GLI2: variants seen among roughly 807,000 people sequenced by gnomAD.
GLI2 encodes transcription activator GLI2.
Under a neutral mutation model 78.9 loss-of-function variants are expected in GLI2, and 22 were observed. The ratio of observed to expected loss-of-function variants is 0.28; its 90% confidence interval spans 0.20 to 0.40. The LOEUF is 0.40. GLI2 is among the 10% of genes least tolerant of loss of function. GLI2 has a pLI of 1.00. For synonymous variants in GLI2, 974 were observed against 963.7 expected (o/e 1.01, Z -0.20); for missense variants, 2,097 against 2,213.2 (o/e 0.95, Z 1.05).
intron 1 of GLI2, among the ~76,000 whole-genome samples, chr2:120,769,784 G>T (rs529497042): frequency 6.6e-6 from 1 of 152,274 alleles, no homozygotes; most frequent in South Asian, 2.1e-4. Context: ...CATGTGTTTG[G>T]GAGTGTGCGT....
At chr2:120,870,710 A>G (rs1279854012) in intron 2 of GLI2, among the ~76,000 whole-genome samples, 1 of 152,168 alleles carries the variant, frequency 6.6e-6, no homozygotes, top group East Asian at 1.9e-4. Flanking sequence ...GATCGATCCC[A>G]GAGCCTAGGG....
intron 4 of GLI2, among the ~76,000 whole-genome samples, chr2:120,954,726 C>G (rs1681157224): frequency 6.6e-6 from 1 of 152,206 alleles, no homozygotes. Context: ...AGGGTTGAAG[C>G]AGACAGCCCC....
intron 2 of GLI2, among the ~76,000 whole-genome samples, chr2:120,909,388 C>A (rs1678702001): frequency 6.6e-6 from 1 of 152,162 alleles, no homozygotes; most frequent in Non-Finnish European, 1.5e-5. Context: ...CCCATGCCAG[C>A]TTCCTCCCAC....
At chr2:120,828,861 C>CAAAAAAA (rs3053863) in intron 2 of GLI2, among the ~76,000 whole-genome samples, 8 of 125,946 alleles carry the variant, frequency 6.4e-5, no homozygotes, top group East Asian at 2.3e-4. Context: ...CTTCCAACTC[C>CAAAAAAA]AAAAAAAAAA....
At chr2:120,866,909 C>G (rs1299891594) in intron 2 of GLI2, 1 of 152,280 alleles carries the variant, frequency 6.6e-6, no homozygotes, top group Non-Finnish European at 1.5e-5. Flanking sequence ...CCCATGACCC[C>G]TGTGTGTGAG....
chr2:120,990,355 G>A lies in GLI2; in HGVS notation c.4390G>A (p.Asp1464Asn), dbSNP rs1249684727. The part of the protein sequence containing the change: ...SQPPQPQACQ[D>N]SIQPQPLPSP... Reference sequence around the variant, plus strand: ...GCCACCACAGCCACAGGCCTGTCAGGACAGCATCCAGCCCCAGCCCTTGCC... The same window carrying A: ...GCCACCACAGCCACAGGCCTGTCAGAACAGCATCCAGCCCCAGCCCTTGCC... Residue 1464 changes from aspartate to asparagine, a missense_variant, in exon 14 of 14, where the codon GAC becomes AAC. Physicochemically the swap from Asp to Asn is conservative, Grantham distance 23. Around this residue, in one of 5 missense-constraint regions of GLI2, gnomAD observed 1,290 missense variants for 1,261.7 expected, o/e 1.02. Coordinates refer to ENST00000361492, the MANE Select transcript of GLI2 (RefSeq NM_001374353.1). The A allele has an allele frequency of 1.2e-6, 2 of 1,614,012 alleles. No homozygotes were observed. The highest frequency in any genetic ancestry group is 1.7e-6 in the Non-Finnish European group (2 of 1,180,032).
At chr2:120,828,237 C>T (rs570025548) in intron 2 of GLI2, among the ~76,000 whole-genome samples, 1 of 152,178 alleles carries the variant, frequency 6.6e-6, no homozygotes, top group South Asian at 2.1e-4. Flanking sequence ...CCAAGGCCCC[C>T]GGGCCAGGTG....
intron 2 of GLI2, among the ~76,000 whole-genome samples, chr2:120,903,139 C>A (rs1004622906): frequency 6.6e-6 from 1 of 152,018 alleles, no homozygotes; most frequent in African/African-American, 2.4e-5. Context: ...AATCCCAACA[C>A]TTTGGGAGGC....
intron 1 of GLI2, among the ~76,000 whole-genome samples, chr2:120,777,885 C>A (rs1188220247): frequency 1.3e-5 from 2 of 151,888 alleles, no homozygotes; most frequent in Non-Finnish European, 2.9e-5. Flanking sequence ...CCATTGCACC[C>A]CAGGCTGGGG....
chr2:120,941,776 A>G (rs1411561078), intron 3 of GLI2, among the ~76,000 whole-genome samples: 1 of 152,228 alleles, frequency 6.6e-6, no homozygotes, highest in Non-Finnish European at 1.5e-5. Context: ...GGTGGTAGGC[A>G]TCTTGGCCCA....
At position 120,841,172 on chromosome 2, in the gene GLI2, T is replaced by C. The variant is rs75740688; in HGVS notation, c.148+43704T>C. Among the ~76,000 whole-genome samples the C allele has an allele frequency of 2.5e-3, 381 of 152,328 alleles. 10 individuals carry two copies. The East Asian group carries it at 0.062, about 25-fold the overall frequency. On this transcript the variant is annotated intron_variant, in intron 2 of 13. Coordinates refer to ENST00000361492, the MANE Select transcript of GLI2 (RefSeq NM_001374353.1). ...AGAAACACACATTTTGAGAAAGAAC[T>C]GTGTAATTATTATCCACTCCCTGCA... is the stretch of plus-strand genomic sequence containing the variant.
rs963829080 is a variant in GLI2, at chr2:120,810,301, G to A, written c.148+12833G>A. ...GTTCCCAGTCCAGGTGTGCTGGGCC[G>A]TCTTCTGTGTTGAGAGCAACATCTG... On this transcript the variant is annotated intron_variant, in intron 2 of 13. Transcript: ENST00000361492. Among the ~76,000 whole-genome samples the A allele has an allele frequency of 1.4e-4, 21 of 152,328 alleles. No individual in the cohort carries two copies. In the East Asian group the frequency reaches 1.7e-3, roughly 13 times the overall value.
At chr2:120,864,067 G>A (rs1349033722) in intron 2 of GLI2, among the ~76,000 whole-genome samples, 1 of 152,220 alleles carries the variant, frequency 6.6e-6, no homozygotes, top group Non-Finnish European at 1.5e-5. Context: ...CTGGGCTTTG[G>A]TGGAGCCAGG....
chr2:120,740,976 C>G (rs1682519319), intron 1 of GLI2, among the ~76,000 whole-genome samples: 1 of 152,212 alleles, frequency 6.6e-6, no homozygotes, highest in Admixed American at 6.5e-5. Context: ...CAAGTGAACT[C>G]TGAAAGCTTG....
chr2:120,803,331 A>G (rs905135072), intron 2 of GLI2, among the ~76,000 whole-genome samples: 3 of 151,172 alleles, frequency 2.0e-5, no homozygotes, highest in African/African-American at 7.3e-5. Flanking sequence ...TCCTTGAGTT[A>G]GCACATGGGA....
At chr2:120,751,951 G>C (rs752966489) in intron 1 of GLI2, among the ~76,000 whole-genome samples, 2 of 152,198 alleles carry the variant, frequency 1.3e-5, no homozygotes, top group African/African-American at 2.4e-5. Flanking sequence ...CATGAAGCCA[G>C]TTTCTTTCTG....
At position 120,986,565 on chromosome 2, in the gene GLI2, G is replaced by C; in HGVS notation, c.2193G>C (p.Gly731=). The C allele has an allele frequency of 6.2e-7, 1 of 1,614,146 alleles. No individual in the cohort carries two copies. The highest frequency in any genetic ancestry group is 8.5e-7 in the Non-Finnish European group (1 of 1,180,030). The change falls in exon 13 of 14, where the codon GGG becomes GGC. Residue 731 remains glycine (G), a synonymous_variant. Transcript: ENST00000361492. ...TCAAGGATTCCTGCTCATGGGCCGG[G>C]CCGACTCCACACACGCGGAACACCA... The part of the protein sequence containing the change: ...KSLKDSCSWA[G]PTPHTRNTKL...
At chr2:120,889,512 G>T (rs1677578558) in intron 2 of GLI2, among the ~76,000 whole-genome samples, 1 of 152,200 alleles carries the variant, frequency 6.6e-6, no homozygotes, top group Non-Finnish European at 1.5e-5. Flanking sequence ...CAAAAATTTT[G>T]CTCTTCGAAA....
In GLI2 at chr2:120,989,268, C is replaced by A; in HGVS notation, c.3303C>A (p.Gly1101=). The change falls in exon 14 of 14, where the codon GGC becomes GGA. Residue 1101 remains glycine, a synonymous_variant. Transcript: ENST00000361492. ...TGGTGGCTGCGGACTCCAACGTGGG[C>A]CCCTCCGCCCCTATGCTGGGAGGAT... ...RRMVAADSNV[G]PSAPMLGGCQ... is the part of the protein sequence containing the mutation. 2 of 1,613,110 alleles carry A rather than the reference C, an allele frequency of 1.2e-6. No homozygotes were observed. The highest frequency in any genetic ancestry group is 8.5e-7 in the Non-Finnish European group (1 of 1,180,020).
Sources: gnomAD v4.1 joint callset for allele counts (sites outside exome capture counted in the v4.1 genomes callset) on GRCh38, gnomAD v4.1.1 for gene constraint, gnomAD v4.1.1 regional missense constraint, MANE v1.5 for transcripts, NCBI Gene and HGNC (gene_info 2026-07-23, HGNC 2026-07-21) for gene names.